Variants in METTL24 observed in about 807,000 individuals in gnomAD.
METTL24 encodes the protein probable methyltransferase-like protein 24.
In METTL24, 29 loss-of-function variants were observed where a neutral mutation model predicts 32.7. That is an observed-to-expected ratio of 0.89 (90% CI 0.66 to 1.21). The LOEUF (loss-of-function observed/expected upper bound fraction) is 1.21, where lower values mean the gene tolerates loss of function less well. Ranked by LOEUF, METTL24 falls within the 50% of genes most tolerant of loss-of-function variation. The pLI is 0.00. For synonymous variants in METTL24, 163 were observed against 179.5 expected (o/e 0.91, Z 0.73); for missense variants, 439 against 468.1 (o/e 0.94, Z 0.57).
At chr6:110,260,077 C>T (rs140774366) in intron 4 of METTL24, among the ~76,000 whole-genome samples, 12,257 of 152,230 alleles carry the variant, frequency 0.081, 525 homozygotes, top group South Asian at 0.16. Flanking sequence ...TCCAAAGGAA[C>T]GCAGCTCCTC....
At chr6:110,298,284 T>C (rs1243016993) in intron 4 of METTL24, among the ~76,000 whole-genome samples, 4 of 152,234 alleles carry the variant, frequency 2.6e-5, no homozygotes, top group Admixed American at 1.3e-4. Context: ...TCGGGTATAC[T>C]ACACTAAAAA....
At chr6:110,315,622 G>A in intron 2 of METTL24, 141 bp from the exon 3 acceptor site, 3 of 792,628 alleles carry the variant, frequency 3.8e-6, no homozygotes, top group Non-Finnish European at 6.0e-6. Flanking sequence ...CCCTCCCCAG[G>A]GAACCACAAG....
At position 110,303,774 on chromosome 6, in the gene METTL24, G is replaced by A. The variant is rs9487362; in HGVS notation, c.558-4624C>T. 1.7e-3 allele frequency among the ~76,000 whole-genome samples: 259 copies of A among 152,314 alleles called. 1 individual carries two copies. Among genetic ancestry groups the A allele is most frequent in the African/African-American group, 6.0e-3 (250 of 41,564 alleles). The stretch of plus-strand genomic sequence containing the variant: ...TTAAACATTCCTGCCTACTGGCTCC[G>A]AAGACAGCAGTGGATCTCCCAGTAC... On this transcript the variant is annotated intron_variant, in intron 3 of 4. Transcript: ENST00000338882.
In METTL24 at chr6:110,295,005, C is replaced by CTTTTT. The variant is rs1562228256; in HGVS notation, c.786+3916_786+3917insAAAAA. ...AGTCTTTAATTGCTTTTCTTTTTTTCTTTCTTTCTTTTTTTTTTTTTTTTT... is the reference window on the plus strand; with the variant it reads ...AGTCTTTAATTGCTTTTCTTTTTTTCTTTTTTTTCTTTCTTTTTTTTTTTTTTTTT... On this transcript the variant is annotated intron_variant, in intron 4 of 4. Coordinates refer to ENST00000338882, the MANE Select transcript of METTL24 (RefSeq NM_001123364.3). Among the ~76,000 whole-genome samples, 119 of 96,838 alleles carry CTTTTT rather than the reference C, an allele frequency of 1.2e-3. 2 individuals are homozygous for CTTTTT. The highest frequency in any genetic ancestry group is 4.6e-3 in the African/African-American group (114 of 24,526). 63.5% of individuals were successfully genotyped at this position (96,838 alleles called of 152,430 possible).
chr6:110,294,873 T>C (rs1404463094), intron 4 of METTL24, among the ~76,000 whole-genome samples: 1 of 152,116 alleles, frequency 6.6e-6, no homozygotes, highest in Non-Finnish European at 1.5e-5. Context: ...TATTTTCCAT[T>C]TCCAGCAGCA....
intron 1 of METTL24, among the ~76,000 whole-genome samples, chr6:110,350,819 A>AAATAAAATAAAATAAAATAAAAT (rs1582447729): frequency 6.9e-6 from 1 of 145,526 alleles, no homozygotes; most frequent in African/African-American, 2.5e-5. Context: ...AAATAAAATA[A>AAATAAAATAAAATAAAATAAAAT]AAAATTAGGC....
Position 110,291,275 on chromosome 6 carries a change from A to G in METTL24, c.786+7647T>C, listed in dbSNP as rs112044401. On this transcript the variant is annotated intron_variant, in intron 4 of 4. Coordinates refer to ENST00000338882, the MANE Select transcript of METTL24 (RefSeq NM_001123364.3). ...GTCTAAAAAATGTTTGCATATGTCA[A>G]GGTTGTAAAGATTTTCTCCTATGTT... is the stretch of plus-strand genomic sequence containing the variant. Among the ~76,000 whole-genome samples the G allele has an allele frequency of 6.0e-3, 919 of 152,288 alleles. 14 individuals carry two copies. Among genetic ancestry groups the G allele is most frequent in the African/African-American group, 0.022 (895 of 41,574 alleles).
At chr6:110,328,393 G>T (rs1340418218) in intron 1 of METTL24, among the ~76,000 whole-genome samples, 2 of 152,202 alleles carry the variant, frequency 1.3e-5, no homozygotes, top group African/African-American at 4.8e-5. Flanking sequence ...TTCAGATTAA[G>T]GACAGCAGAA....
chr6:110,245,253 G>T lies in METTL24; in HGVS notation c.*693C>A, dbSNP rs1778131668. On this transcript the variant is annotated 3_prime_UTR_variant, in exon 5 of 5. Coordinates refer to ENST00000338882, the MANE Select transcript of METTL24 (RefSeq NM_001123364.3). ...GGCAGTAAGGAAGAATTAATTCTCT[G>T]TCTGGCTGTCTTCAAGCTGGGACAT... 6.6e-6 allele frequency among the ~76,000 whole-genome samples: 1 copy of T among 152,180 alleles called. No individual in the cohort carries two copies. Among genetic ancestry groups the T allele is most frequent in the Non-Finnish European group, 1.5e-5 (1 of 68,040 alleles).
At chr6:110,320,634 C>T (rs771349308) in intron 2 of METTL24, among the ~76,000 whole-genome samples, 10 of 152,156 alleles carry the variant, frequency 6.6e-5, no homozygotes, top group Non-Finnish European at 1.0e-4. Flanking sequence ...TCTCTATTAT[C>T]GCTCATCAAG....
chr6:110,344,573 G>A (rs1158474812), intron 1 of METTL24, among the ~76,000 whole-genome samples: 1 of 152,070 alleles, frequency 6.6e-6, no homozygotes, highest in Non-Finnish European at 1.5e-5. Context: ...ACAAATTTTA[G>A]TAATACAGAT....
chr6:110,247,094 G>C (rs564224965), intron 4 of METTL24, among the ~76,000 whole-genome samples: 2 of 152,150 alleles, frequency 1.3e-5, no homozygotes, highest in East Asian at 3.9e-4. Context: ...GCTCCTTTTC[G>C]CTGCCTGTGC....
chr6:110,263,117 C>T (rs1770781331), intron 4 of METTL24, among the ~76,000 whole-genome samples: 1 of 152,058 alleles, frequency 6.6e-6, no homozygotes, highest in African/African-American at 2.4e-5. Flanking sequence ...AAGTTCTGGC[C>T]AGGGCAATCA....
chr6:110,328,050 TTGTC>T (rs1354943169), intron 1 of METTL24, among the ~76,000 whole-genome samples: 7 of 152,196 alleles, frequency 4.6e-5, no homozygotes, highest in South Asian at 2.1e-4. Flanking sequence ...ATTGGTCTGT[TTGTC>T]TGTCCCCAGG....
intron 3 of METTL24, among the ~76,000 whole-genome samples, chr6:110,307,691 C>T (rs766913262): frequency 1.3e-5 from 2 of 152,124 alleles, no homozygotes; most frequent in East Asian, 1.9e-4. Context: ...GGTGGCCATG[C>T]GCCCTGCTAA....
intron 3 of METTL24, 145 bp from the exon 4 acceptor site, chr6:110,299,295 T>A (rs1167165290): frequency 1.5e-6 from 1 of 655,168 alleles, no homozygotes; most frequent in African/African-American, 1.8e-5. Context: ...ACACATTCAA[T>A]AAACTTTCTT....
At chr6:110,269,431 G>A (rs118094023) in intron 4 of METTL24, among the ~76,000 whole-genome samples, 1 of 152,210 alleles carries the variant, frequency 6.6e-6, no homozygotes, top group East Asian at 1.9e-4. Context: ...TTTGACTTCA[G>A]CATTCCACTG....
chr6:110,270,387 AT>A (rs1770934350), intron 4 of METTL24, among the ~76,000 whole-genome samples: 1 of 151,668 alleles, frequency 6.6e-6, no homozygotes, highest in Admixed American at 6.6e-5. Context: ...TTCCAATGGC[AT>A]TTTTTTCAAT....
rs543855200 is a variant in METTL24, at chr6:110,269,184, A to G, written c.787-22924T>C. 9.2e-5 allele frequency among the ~76,000 whole-genome samples: 14 copies of G among 152,266 alleles called. No homozygotes were observed. The Middle Eastern group carries it at 0.01, about 111-fold the overall frequency. ...AGTAACAAAGATATAAAGAAGAAAA[A>G]CATTGTCCAAAATCCCAGTCCCAAG... On this transcript the variant is annotated intron_variant, in intron 4 of 4. Transcript: ENST00000338882.
Sources: allele counts gnomAD v4.1 joint callset (sites outside exome capture counted in the v4.1 genomes callset), GRCh38; gene constraint gnomAD v4.1.1; transcripts MANE v1.5; gene names NCBI Gene and HGNC (gene_info 2026-07-23, HGNC 2026-07-21).